LAMA1: variants seen among roughly 807,000 people sequenced by gnomAD.
LAMA1 encodes laminin subunit alpha-1.
LAMA1 carries 219 observed loss-of-function variants against 348.7 expected under a neutral mutation model. The observed-to-expected ratio is 0.63, with a 90% CI of 0.56 to 0.70. The LOEUF (loss-of-function observed/expected upper bound fraction) is 0.70. LAMA1 is among the 30% of genes least tolerant of loss of function. The pLI, the probability that LAMA1 is intolerant of heterozygous loss-of-function variation, is 0.00. For synonymous variants in LAMA1, 1,487 were observed against 1,491.0 expected (o/e 1.00, Z 0.06); for missense variants, 3,744 against 3,888.0 (o/e 0.96, Z 0.99).
chr18:7,057,724 C>T (rs1450398687), intron 3 of LAMA1, among the ~76,000 whole-genome samples: 2 of 151,562 alleles, frequency 1.3e-5, no homozygotes, highest in East Asian at 3.9e-4. Context: ...AGTGATCCAC[C>T]CGCCTTGGCC....
At chr18:7,010,949 T>C (rs530105710) in intron 25 of LAMA1, among the ~76,000 whole-genome samples, 12 of 152,310 alleles carry the variant, frequency 7.9e-5, no homozygotes, top group African/African-American at 2.2e-4. Context: ...TATACGACCA[T>C]GGTCTCATGA....
chr18:6,997,284 G>C (rs985013567), intron 33 of LAMA1, among the ~76,000 whole-genome samples: 1 of 152,138 alleles, frequency 6.6e-6, no homozygotes, highest in African/African-American at 2.4e-5. Flanking sequence ...GGATGGTCTC[G>C]ATCTCTTGAC....
intron 1 of LAMA1, among the ~76,000 whole-genome samples, chr18:7,114,637 C>G (rs1193291083): frequency 1.3e-5 from 2 of 152,124 alleles, no homozygotes; most frequent in Non-Finnish European, 2.9e-5. Flanking sequence ...ATTTTACAGA[C>G]AGTGAAACTA....
chr18:7,111,144 G>C (rs1163316804), intron 1 of LAMA1, among the ~76,000 whole-genome samples: 2 of 152,066 alleles, frequency 1.3e-5, no homozygotes, highest in African/African-American at 2.4e-5. Context: ...CAGTCATACT[G>C]CCTGCTGGGC....
At chr18:6,990,456 G>T (rs1237151071) in intron 36 of LAMA1, among the ~76,000 whole-genome samples, 1 of 152,166 alleles carries the variant, frequency 6.6e-6, no homozygotes, top group Non-Finnish European at 1.5e-5. Context: ...GGCTGAGGAA[G>T]GTTAGGGAGC....
At chr18:6,986,926 T>C (rs2057738077) in intron 36 of LAMA1, among the ~76,000 whole-genome samples, 1 of 152,068 alleles carries the variant, frequency 6.6e-6, no homozygotes, top group African/African-American at 2.4e-5. Context: ...GCCCAGCTAA[T>C]TTTTTTTAGT....
At position 6,941,811 on chromosome 18, in the gene LAMA1, A is replaced by C; in HGVS notation, c.*268T>G. On this transcript the variant is annotated 3_prime_UTR_variant, in exon 63 of 63. Coordinates refer to ENST00000389658, the MANE Select transcript of LAMA1 (RefSeq NM_005559.4). ...AAATGAAAAACATAAAATACTATCA[A>C]GTAATCAACAGAACATTCAATGTGT... 4.4e-6 allele frequency: 2 copies of C among 450,980 alleles called. No individual in the cohort carries two copies. The highest frequency in any genetic ancestry group is 8.1e-6 in the Non-Finnish European group (2 of 246,698). 27.9% of individuals were successfully genotyped at this position (450,980 alleles called of 1,614,324 possible).
At chr18:7,018,336 CAAAA>C (rs764975447) in intron 19 of LAMA1, among the ~76,000 whole-genome samples, 6 of 44,206 alleles carry the variant, frequency 1.4e-4, no homozygotes, top group South Asian at 1.5e-3. Flanking sequence ...AACTCCATCT[CAAAA>C]AAAAAAAAAA....
intron 1 of LAMA1, among the ~76,000 whole-genome samples, chr18:7,086,665 C>T (rs557267641): frequency 1.2e-4 from 19 of 152,198 alleles, no homozygotes; most frequent in East Asian, 7.7e-4. Context: ...GCGTGAATGA[C>T]GATAATGCCT....
At chr18:7,052,544 C>T (rs1212470841) in intron 3 of LAMA1, among the ~76,000 whole-genome samples, 2 of 151,212 alleles carry the variant, frequency 1.3e-5, no homozygotes, top group Admixed American at 6.6e-5. Context: ...CTGACCAACA[C>T]GGTGAAACCA....
Position 6,973,150 on chromosome 18 carries a change from T to C in LAMA1, c.6681A>G (p.Pro2227=), listed in dbSNP as rs1390722163. ...VKEMSSNQKS[P]TKTSKSPGTA... ...TCCCAGGGGATTTACTTGTTTTTGTTGGTGACTTTTGATTTGAGCTCATTT... is the reference window on the plus strand; with the variant it reads ...TCCCAGGGGATTTACTTGTTTTTGTCGGTGACTTTTGATTTGAGCTCATTT... The change falls in exon 47 of 63, where the codon CCA becomes CCG. Residue 2227 remains proline (P), a synonymous_variant. Coordinates refer to ENST00000389658, the MANE Select transcript of LAMA1 (RefSeq NM_005559.4). 1.2e-6 allele frequency: 2 copies of C among 1,614,074 alleles called. No homozygotes were observed. The highest frequency in any genetic ancestry group is 4.5e-5 in the East Asian group (2 of 44,902).
intron 19 of LAMA1, among the ~76,000 whole-genome samples, chr18:7,021,960 T>TGTA: frequency 6.6e-6 from 1 of 151,398 alleles, no homozygotes; most frequent in South Asian, 2.1e-4. Context: ...CCGCACTGAC[T>TGTA]TCTCAGAAAG....
intron 39 of LAMA1, 127 bp from the exon 40 acceptor site, chr18:6,983,361 A>C (rs1600371356): frequency 2.1e-6 from 2 of 969,964 alleles, no homozygotes; most frequent in Admixed American, 2.0e-5. Flanking sequence ...GAAGAGTATC[A>C]TCCATAAAAA....
chr18:6,947,577 G>A (rs4798519), intron 60 of LAMA1, among the ~76,000 whole-genome samples: 50,987 of 152,060 alleles, frequency 0.34, 9,493 homozygotes, highest in East Asian at 0.5. Context: ...GCCTCACCCT[G>A]TGGACACGTC....
intron 27 of LAMA1, among the ~76,000 whole-genome samples, chr18:7,008,945 G>T (rs895526890): frequency 6.6e-6 from 1 of 152,072 alleles, no homozygotes; most frequent in African/African-American, 2.4e-5. Context: ...CGAAGACATG[G>T]GCATTTCAGT....
At chr18:6,965,569 G>A (rs189882738) in intron 49 of LAMA1, 137 bp from the exon 50 acceptor site, 41 of 998,112 alleles carry the variant, frequency 4.1e-5, no homozygotes, top group Admixed American at 1.4e-4. Flanking sequence ...GAGGTCTATC[G>A]GCTACGAAAC....
At chr18:6,981,084 C>T (rs1401612304) in intron 41 of LAMA1, among the ~76,000 whole-genome samples, 8 of 148,170 alleles carry the variant, frequency 5.4e-5, no homozygotes, top group South Asian at 4.2e-4. Context: ...GCCTGGGCGA[C>T]GGAGCGAGAC....
At chr18:7,116,911 T>C (rs900990524) in intron 1 of LAMA1, among the ~76,000 whole-genome samples, 2 of 152,082 alleles carry the variant, frequency 1.3e-5, no homozygotes, top group African/African-American at 4.8e-5. Context: ...TCTCAATCCT[T>C]GCAACGCGCA....
At chr18:7,009,839 C>CT (rs2057851339) in intron 26 of LAMA1, among the ~76,000 whole-genome samples, 1 of 152,190 alleles carries the variant, frequency 6.6e-6, no homozygotes, top group South Asian at 2.1e-4. Context: ...TGCTCGGTCT[C>CT]TCTGTCGCAC....
Sources: gnomAD v4.1 joint callset for allele counts (sites outside exome capture counted in the v4.1 genomes callset) on GRCh38, gnomAD v4.1.1 for gene constraint, MANE v1.5 for transcripts, NCBI Gene and HGNC (gene_info 2026-07-23, HGNC 2026-07-21) for gene names.